Variants in KHNYN observed in about 807,000 individuals in gnomAD.
KHNYN encodes the protein protein KHNYN.
A neutral mutation model predicts 62.7 loss-of-function variants in KHNYN; 42 were observed. That is an observed-to-expected ratio of 0.67 (90% CI 0.52 to 0.87). KHNYN has a LOEUF of 0.87. Ranked by LOEUF, KHNYN falls within the 40% of genes least tolerant of loss-of-function variation. The pLI is 0.00. For missense variants in KHNYN, 829 were observed against 874.1 expected, an observed-to-expected ratio of 0.95 and a Z score of 0.65; for synonymous variants, 347 against 345.6, an observed-to-expected ratio of 1.00 and a Z score of -0.04.
intron 5 of KHNYN, chr14:24,435,870 G>A: frequency 3.4e-6 from 2 of 592,518 alleles, no homozygotes; most frequent in Non-Finnish European, 6.0e-6. Context: ...TGGGGTTGGG[G>A]CCTTGGAGAG....
Position 24,440,404 on chromosome 14 carries a change from G to A in KHNYN, c.*3119G>A. 6.2e-7 allele frequency: 1 copy of A among 1,613,826 alleles called. No individual in the cohort carries two copies. On this transcript the variant is annotated 3_prime_UTR_variant, in exon 8 of 8. Transcript: ENST00000553935. ...CGATGTGTATCCAGGGGAAGAATTG[G>A]TGGCCTGAGCCGATGGGGCCCCCCA...
intron 7 of KHNYN, 75 bp from the exon 8 acceptor site, chr14:24,436,961 C>G (rs17103735): frequency 1.3e-6 from 2 of 1,534,200 alleles, no homozygotes; most frequent in South Asian, 1.3e-5. Context: ...AGGACAATTA[C>G]GAGAGGGGTG....
At chr14:24,430,686 G>A (rs1177672035) in intron 1 of KHNYN, 28 bp from the exon 2 acceptor site, 1 of 1,547,886 alleles carries the variant, frequency 6.5e-7, no homozygotes, top group Non-Finnish European at 8.7e-7. Flanking sequence ...GGTACAATGA[G>A]GCTCTGAGCT....
rs2043094805 is a variant in KHNYN at position 24,430,826 on chromosome 14, G to A, written c.96G>A (p.Glu32=). The part of the protein sequence containing the change: ...NKVREQQPHV[E]RIFSVGVSVL... ...TTCGGGAACAGCAGCCCCATGTGGA[G>A]CGCATCTTCAGCGTGGGGGTGAGCG... is the stretch of plus-strand genomic sequence containing the variant. Residue 32 remains glutamate (E), a synonymous_variant, in exon 2 of 8, where the codon GAG becomes GAA. Coordinates refer to ENST00000553935, the MANE Select transcript of KHNYN (RefSeq NM_015299.3). 1 of 1,612,920 alleles carries A rather than the reference G, an allele frequency of 6.2e-7. No homozygotes were observed. Among genetic ancestry groups the A allele is most frequent in the Non-Finnish European group, 8.5e-7 (1 of 1,179,578 alleles).
chr14:24,428,145 T>G (rs2043041367), upstream of KHNYN: 1 of 1,354,536 alleles, frequency 7.4e-7, no homozygotes, highest in East Asian at 2.3e-5. Flanking sequence ...CCACACTCAA[T>G]GCAAGGCAGG....
In KHNYN at chr14:24,431,951, C is replaced by A. The variant is rs779418926; in HGVS notation, c.690C>A (p.Asp230Glu). 1.2e-6 allele frequency: 2 copies of A among 1,613,204 alleles called. No individual in the cohort carries two copies. The highest frequency in any genetic ancestry group is 3.3e-5 in the Admixed American group (2 of 59,966). ...AAGGAGTGAGAGCTCCCCCTAGTGA[C>A]GGCAGGGAGTCCCTGGACACTGGAT... The part of the protein sequence containing the change: ...QCQGVRAPPS[D>E]GRESLDTGSM... Residue 230 changes from aspartate (D) to glutamate (E), a missense_variant, in exon 3 of 8, where the codon GAC becomes GAA. Transcript: ENST00000553935.
intron 2 of KHNYN, 60 bp downstream of exon 2, chr14:24,430,991 G>A (rs906591886): frequency 1.1e-5 from 16 of 1,505,876 alleles, no homozygotes; most frequent in Middle Eastern, 1.7e-4. Flanking sequence ...CCAGGGCGGA[G>A]GAGAGCAGGG....
upstream of KHNYN, among the ~76,000 whole-genome samples, chr14:24,424,724 G>T (rs1305481517): frequency 6.6e-6 from 1 of 152,080 alleles, no homozygotes; most frequent in African/African-American, 2.4e-5. Flanking sequence ...GAATGGAGGG[G>T]GCTAGGACCT....
At chr14:24,426,462 A>G (rs1397190116), upstream of KHNYN, 1 of 152,122 alleles carries the variant, frequency 6.6e-6, no homozygotes, top group Admixed American at 6.5e-5. Flanking sequence ...GTGACAGTTC[A>G]AAAAGTTATT....
chr14:24,438,428 G>A lies in KHNYN; in HGVS notation c.*1143G>A, dbSNP rs1305725745. 6.6e-6 allele frequency: 1 copy of A among 152,516 alleles called. No homozygotes were observed. The highest frequency in any genetic ancestry group is 1.5e-5 in the Non-Finnish European group (1 of 68,030). 9.4% of individuals were successfully genotyped at this position (152,516 alleles called of 1,614,324 possible). On this transcript the variant is annotated 3_prime_UTR_variant, in exon 8 of 8. Transcript: ENST00000553935. Reference sequence around the variant, plus strand: ...GCTTTATGTGTGTGTGTATGGGGATGGGAGGACTTAACGGAAGTTGAACCA... The same window carrying A: ...GCTTTATGTGTGTGTGTATGGGGATAGGAGGACTTAACGGAAGTTGAACCA...
rs1015175215 is a variant in KHNYN at position 24,439,969 on chromosome 14, G to C, written c.*2684G>C. The C allele has an allele frequency of 1.5e-5, 12 of 796,156 alleles. No homozygotes were observed. In the African/African-American group the frequency reaches 2.1e-4, roughly 14 times the overall value. The allele number at this position is 796,156 out of a possible 1,614,324, so 49.3% of individuals were successfully genotyped here. A position where few individuals can be genotyped will look rare whatever the true frequency, so the allele number is the denominator to read the frequency against. On this transcript the variant is annotated 3_prime_UTR_variant, in exon 8 of 8. Transcript: ENST00000553935. ...AACAGAACAATGGGAAAGAGGACTG[G>C]GAGAGGAATCTAAGAACCAGATGGC...
upstream of KHNYN, chr14:24,427,733 G>C (rs920924970): frequency 1.0e-5 from 16 of 1,524,846 alleles, no homozygotes; most frequent in Non-Finnish European, 1.4e-5. The surrounding 1 kb of genome is among the most constrained non-coding windows in gnomAD (Gnocchi z 4.4). Flanking sequence ...TGGGGCAAGA[G>C]AGGGCAGAAG....
rs763570763 is a variant in KHNYN, at chr14:24,432,899, A to T, written c.1481-37A>T. The T allele has an allele frequency of 7.4e-6, 12 of 1,613,994 alleles. No individual in the cohort carries two copies. The highest frequency in any genetic ancestry group is 1.0e-5 in the Non-Finnish European group (12 of 1,180,018). ...GTGTCCCAGGATAGGCTCTGTTTCC[A>T]CTTTGAGGAGAACCCTATTATGTTC... On this transcript the variant is annotated intron_variant, in intron 4 of 7. Coordinates refer to ENST00000553935, the MANE Select transcript of KHNYN (RefSeq NM_015299.3). This position sits in a 1 kb window ranked among gnomAD's most constrained non-coding sequence, Gnocchi z 5.6.
rs2043252499 is a variant in KHNYN, at chr14:24,439,114, GTGTC to G, written c.*1832_*1835del. 6.6e-6 allele frequency: 1 copy of G among 152,248 alleles called. No individual in the cohort carries two copies. The highest frequency in any genetic ancestry group is 2.1e-4 in the South Asian group (1 of 4,830). 9.4% of individuals were successfully genotyped at this position (152,248 alleles called of 1,614,324 possible). On this transcript the variant is annotated 3_prime_UTR_variant, in exon 8 of 8. Transcript: ENST00000553935. ...GCCTGAACTGGTGGCTGGGGGAACT[GTGTC>G]TGGTCAAGTTATGGCAGATGTCACA...
chr14:24,431,419 G>C, intron 2 of KHNYN, 44 bp from the exon 3 acceptor site: 1 of 1,499,576 alleles, frequency 6.7e-7, no homozygotes, highest in Non-Finnish European at 9.0e-7. Context: ...GGTGATCTGG[G>C]CCAGTTAGTT....
chr14:24,440,530 A>T lies in KHNYN; in HGVS notation c.*3245A>T. 6.4e-7 allele frequency: 1 copy of T among 1,566,528 alleles called. No individual in the cohort carries two copies. Among genetic ancestry groups the T allele is most frequent in the Non-Finnish European group, 8.7e-7 (1 of 1,155,076 alleles). The stretch of plus-strand genomic sequence containing the variant: ...AGAGGGAAGGTACAGGGGTCCTCTC[A>T]GCCTTGAAGGAGCCCACTGCTCCTC... On this transcript the variant is annotated 3_prime_UTR_variant, in exon 8 of 8. Transcript: ENST00000553935.
chr14:24,440,463 T>TGGCACCACCCCCACGGCCC lies in KHNYN; in HGVS notation c.*3179_*3197dup, dbSNP rs745643075. 59 of 1,609,510 alleles carry TGGCACCACCCCCACGGCCC rather than the reference T, an allele frequency of 3.7e-5. No individual in the cohort carries two copies. The South Asian group carries it at 6.4e-4, about 18-fold the overall frequency. ...CGAAAGGGCAGCAGCATGTGGCCCA[T>TGGCACCACCCCCACGGCCC]GGCACCACCCCCACGGCCCAGCACA... On this transcript the variant is annotated 3_prime_UTR_variant, in exon 8 of 8. Transcript: ENST00000553935.
chr14:24,430,325 C>T (rs1226281117), intron 1 of KHNYN: 2 of 704,044 alleles, frequency 2.8e-6, no homozygotes, highest in South Asian at 6.0e-5. Context: ...TTGGAAATGG[C>T]AGACCAGGGC....
rs981250513 is a variant in KHNYN, at chr14:24,435,995, C to T, written c.1578-77C>T. 3 of 1,107,216 alleles carry T rather than the reference C, an allele frequency of 2.7e-6. No homozygotes were observed. In the African/African-American group the frequency reaches 4.6e-5, roughly 17 times the overall value. The allele number at this position is 1,107,216 out of a possible 1,614,324, so 68.6% of individuals were successfully genotyped here. On this transcript the variant is annotated intron_variant, in intron 5 of 7. Transcript: ENST00000553935. The stretch of plus-strand genomic sequence containing the variant: ...GTGAAGTCTAGGCTTTTAATGTAAC[C>T]ATGATCCAAACAGTGAACATTGTAC...
Sources: gnomAD v4.1 joint callset for allele counts (sites outside exome capture counted in the v4.1 genomes callset) on GRCh38, gnomAD v4.1.1 for gene constraint, Gnocchi (gnomAD v3.1) non-coding constraint, MANE v1.5 for transcripts, NCBI Gene and HGNC (gene_info 2026-07-23, HGNC 2026-07-21) for gene names.